ZFHX2: variants seen among roughly 807,000 people sequenced by gnomAD.
The protein encoded by ZFHX2 is zinc finger homeobox 2.
Under a neutral mutation model 164.8 loss-of-function variants are expected in ZFHX2, and 75 were observed. The observed-to-expected ratio is 0.46, with a 90% CI of 0.38 to 0.55. ZFHX2 has a LOEUF of 0.55. Among genes scored for constraint, ZFHX2 ranks in the 20% least tolerant of loss-of-function variants. The pLI is 0.00. For synonymous variants in ZFHX2, 1,217 were observed against 1,351.4 expected (o/e 0.90, Z 2.18); for missense variants, 2,933 against 3,308.0 (o/e 0.89, Z 2.78).
chr14:23,543,845 A>C (rs1353956124), intron 1 of ZFHX2: 2 of 152,174 alleles, frequency 1.3e-5, no homozygotes, highest in Non-Finnish European at 2.9e-5. Flanking sequence ...CCTGTCTCAA[A>C]AAACAAAAAA....
At chr14:23,555,702 C>T (rs1882311026), upstream of ZFHX2, 1 of 151,596 alleles carries the variant, frequency 6.6e-6, no homozygotes, top group Non-Finnish European at 1.5e-5. Flanking sequence ...CCCAACCCCC[C>T]TCGCCACCAT....
At position 23,526,888 on chromosome 14, in the gene ZFHX2, G is replaced by T; in HGVS notation, c.3221C>A (p.Thr1074Asn). ...SPLDNGQEPPTHGPEPTPSRD... is the reference protein window; with the variant it reads ...SPLDNGQEPPNHGPEPTPSRD... Reference sequence around the variant, plus strand: ...GCTCGGTGTAGGCTCTGGCCCATGAGTGGGGGGTTCTTGGCCATTGTCCAG... The same window carrying T: ...GCTCGGTGTAGGCTCTGGCCCATGATTGGGGGGTTCTTGGCCATTGTCCAG... The change falls in exon 8 of 10, where the codon ACT becomes AAT. Residue 1074 changes from threonine (T) to asparagine (N), a missense_variant. By Grantham distance (65) the Thr-to-Asn change is moderately conservative. Transcript: ENST00000419474. 2 of 1,534,274 alleles carry T rather than the reference G, an allele frequency of 1.3e-6. No homozygotes were observed. Among genetic ancestry groups the T allele is most frequent in the East Asian group, 2.4e-5 (1 of 40,862 alleles).
At position 23,524,940 on chromosome 14, in the gene ZFHX2, C is replaced by A; in HGVS notation, c.5002G>T (p.Gly1668Ter). The A allele has an allele frequency of 6.5e-7, 1 of 1,536,276 alleles. No individual in the cohort carries two copies. The highest frequency in any genetic ancestry group is 8.7e-7 in the Non-Finnish European group (1 of 1,146,932). ...TGGCAACGCCTGCAGCCGGAGGCTC[C>A]CCCAGTGCCTCCTCCGGTTGGCATG... is the stretch of plus-strand genomic sequence containing the variant. ...GSMPTGGGTG[G>*]ASGCRRCHAT... is the part of the protein sequence containing the mutation. Residue 1668 changes from glycine (G) to a stop codon, truncating the protein, a stop_gained, in exon 9 of 10, where the codon GGA (glycine) becomes TGA (stop). Transcript: ENST00000419474. LOFTEE classifies it high-confidence loss of function. This position sits in a 1 kb window ranked among gnomAD's most constrained non-coding sequence, Gnocchi z 5.6.
Position 23,530,176 on chromosome 14 carries a change from G to A in ZFHX2, c.2819C>T (p.Pro940Leu), listed in dbSNP as rs575880252. 13 of 1,535,726 alleles carry A rather than the reference G, an allele frequency of 8.5e-6. No individual in the cohort carries two copies. In the East Asian group the frequency reaches 2.9e-4, roughly 35 times the overall value. ...LRTPGKAPVT[P>L]LAEPPTPEKD... ...CTCAGGGGTGGGTGGCTCAGCTAAG[G>A]GGGTGACAGGAGCCTTCCCTGTGTA... Residue 940 changes from proline to leucine, a missense_variant, in exon 5 of 10, where the codon CCC becomes CTC. Transcript: ENST00000419474.
chr14:23,549,991 CAGAT>C (rs1219941034), intron 1 of ZFHX2, among the ~76,000 whole-genome samples: 1 of 151,824 alleles, frequency 6.6e-6, no homozygotes, highest in Non-Finnish European at 1.5e-5. Flanking sequence ...TCATGGGAAA[CAGAT>C]GGAAAAAAGG....
chr14:23,537,277 C>T (rs1000960209), intron 1 of ZFHX2, among the ~76,000 whole-genome samples: 12 of 151,916 alleles, frequency 7.9e-5, no homozygotes, highest in African/African-American at 2.9e-4. Context: ...CTCACCAATT[C>T]CCATGCCTCT....
rs915011227 is a variant in ZFHX2 at position 23,546,379 on chromosome 14, C to A, written c.-50+4964G>T. 2.6e-5 allele frequency among the ~76,000 whole-genome samples: 4 copies of A among 152,176 alleles called. No homozygotes were observed. The highest frequency in any genetic ancestry group is 2.6e-4 in the Admixed American group (4 of 15,278). ...AAAAATGCTGAGGGGTGCTGAGCATCTCAGTAGAAATTAGAAAAATATATC... is the reference window on the plus strand; with the variant it reads ...AAAAATGCTGAGGGGTGCTGAGCATATCAGTAGAAATTAGAAAAATATATC... On this transcript the variant is annotated intron_variant, in intron 1 of 9. Coordinates refer to ENST00000419474, the MANE Select transcript of ZFHX2 (RefSeq NM_033400.3). This position sits in a 1 kb window ranked among gnomAD's most constrained non-coding sequence, Gnocchi z 4.7.
At chr14:23,555,913 C>A (rs1882326462), upstream of ZFHX2, 1 of 152,274 alleles carries the variant, frequency 6.6e-6, no homozygotes, top group African/African-American at 2.4e-5. Context: ...ACCGCAGGCA[C>A]CAAGTGCAGC....
Position 23,522,653 on chromosome 14 carries a change from C to A in ZFHX2, c.7028G>T (p.Gly2343Val). 1.3e-6 allele frequency: 2 copies of A among 1,536,130 alleles called. No individual in the cohort carries two copies. Among genetic ancestry groups the A allele is most frequent in the Non-Finnish European group, 1.7e-6 (2 of 1,146,784 alleles). Residue 2343 changes from glycine (G) to valine (V), a missense_variant, in exon 10 of 10, where the codon GGC becomes GTC. Transcript: ENST00000419474. ...LKTTVPALLG[G>V]QFLPFPLPPA... ...GGGCAATGGAAAGGGCAGGAACTGG[C>A]CCCCCAACAGGGCTGGGACAGTGGT...
At chr14:23,555,258 C>G (rs1276484517), upstream of ZFHX2, among the ~76,000 whole-genome samples, 1 of 152,152 alleles carries the variant, frequency 6.6e-6, no homozygotes, top group African/African-American at 2.4e-5. Flanking sequence ...CTCGGCTTCC[C>G]AAAGTGCTGG....
chr14:23,525,649 C>T lies in ZFHX2; in HGVS notation c.4293G>A (p.Leu1431=). The T allele has an allele frequency of 6.5e-7, 1 of 1,535,720 alleles. No individual in the cohort carries two copies. Among genetic ancestry groups the T allele is most frequent in the South Asian group, 1.2e-5 (1 of 84,036 alleles). The part of the protein sequence containing the change: ...EAGPSSPPDP[L]PNEAARTAAK... Reference sequence around the variant, plus strand: ...CTGCAGTGCGGGCAGCCTCGTTGGGCAATGGGTCGGGGGGTGAGGAAGGCC... The same window carrying T: ...CTGCAGTGCGGGCAGCCTCGTTGGGTAATGGGTCGGGGGGTGAGGAAGGCC... Residue 1431 remains leucine (L), a synonymous_variant, in exon 9 of 10, where the codon TTG becomes TTA. Coordinates refer to ENST00000419474, the MANE Select transcript of ZFHX2 (RefSeq NM_033400.3). This position sits in a 1 kb window ranked among gnomAD's most constrained non-coding sequence, Gnocchi z 5.9.
intron 1 of ZFHX2, among the ~76,000 whole-genome samples, chr14:23,540,840 C>T (rs1880723300): frequency 6.6e-6 from 1 of 152,202 alleles, no homozygotes; most frequent in South Asian, 2.1e-4. Flanking sequence ...TGTCTCCCGT[C>T]ACAGAGTGGA....
chr14:23,555,437 C>T (rs550295285), upstream of ZFHX2, among the ~76,000 whole-genome samples: 1 of 152,344 alleles, frequency 6.6e-6, no homozygotes, highest in South Asian at 2.1e-4. Flanking sequence ...CTTCTCCTTA[C>T]GTACCACCCA....
At chr14:23,539,959 A>G (rs535827779) in intron 1 of ZFHX2, among the ~76,000 whole-genome samples, 31 of 152,326 alleles carry the variant, frequency 2.0e-4, no homozygotes, top group African/African-American at 6.0e-4. Context: ...GTTTGCATAC[A>G]ATGATTTTCA....
chr14:23,538,901 C>A (rs954153617), intron 1 of ZFHX2, among the ~76,000 whole-genome samples: 1 of 151,980 alleles, frequency 6.6e-6, no homozygotes, highest in African/African-American at 2.4e-5. Flanking sequence ...GCGCCACAGA[C>A]GGCAGAAAGA....
At position 23,533,685 on chromosome 14, in the gene ZFHX2, TCCC is replaced by T. The variant is rs1379034446; in HGVS notation, c.1638_1640del (p.Gly547del). On this transcript the variant is annotated inframe_deletion, in exon 2 of 10. Transcript: ENST00000419474. The surrounding 1 kb of genome is among the most constrained non-coding windows in gnomAD (Gnocchi z 4.8). ...GTGGGAGTGATGCCTCTGGTGGACTTCCCTGCCCACCAGGGCCCGCCTGGAAGC... is the reference window on the plus strand; with the variant it reads ...GTGGGAGTGATGCCTCTGGTGGACTTTGCCCACCAGGGCCCGCCTGGAAGC... 1 of 1,538,732 alleles carries T rather than the reference TCCC, an allele frequency of 6.5e-7. No individual in the cohort carries two copies. The highest frequency in any genetic ancestry group is 1.2e-5 in the South Asian group (1 of 84,226).
chr14:23,542,936 AT>A (rs1189698088), intron 1 of ZFHX2: 1 of 152,074 alleles, frequency 6.6e-6, no homozygotes, highest in Non-Finnish European at 1.5e-5. Context: ...GGGTTTCACC[AT>A]GTTGTCCAGG....
rs746815663 is a variant in ZFHX2, at chr14:23,522,539, AGCCCCTTCTTCAT to A, written c.7129_7141del (p.Met2377TyrfsTer4). 1 of 1,527,628 alleles carries A rather than the reference AGCCCCTTCTTCAT, an allele frequency of 6.5e-7. No homozygotes were observed. The highest frequency in any genetic ancestry group is 1.2e-5 in the South Asian group (1 of 83,448). 94.6% of individuals were successfully genotyped at this position (1,527,628 alleles called of 1,614,324 possible). ...AGGTATCATGGGGTTCATGGGAAAT[AGCCCCTTCTTCAT>A]GCCATAGAGCTGTTGGAAGTAGGCC... On this transcript the variant is annotated frameshift_variant, in exon 10 of 10. Coordinates refer to ENST00000419474, the MANE Select transcript of ZFHX2 (RefSeq NM_033400.3). LOFTEE classifies it high-confidence loss of function.
upstream of ZFHX2, among the ~76,000 whole-genome samples, chr14:23,553,825 C>T (rs1171253877): frequency 3.3e-5 from 5 of 152,034 alleles, no homozygotes; most frequent in East Asian, 3.9e-4. Context: ...ACCCTGGAGG[C>T]GGAGCTTGCA....
Sources: allele counts gnomAD v4.1 joint callset (sites outside exome capture counted in the v4.1 genomes callset), GRCh38; gene constraint gnomAD v4.1.1; non-coding constraint Gnocchi (gnomAD v3.1); transcripts MANE v1.5; gene names NCBI Gene and HGNC (gene_info 2026-07-23, HGNC 2026-07-21).